EPYC: variants seen among roughly 807,000 people sequenced by gnomAD.
EPYC encodes epiphycan.
Under a neutral mutation model 30.1 loss-of-function variants are expected in EPYC, and 28 were observed. That is an observed-to-expected ratio of 0.93 (90% CI 0.69 to 1.28). The LOEUF is 1.28. Ranked by LOEUF, EPYC falls within the 50% of genes most tolerant of loss-of-function variation. The pLI is 0.00. For missense variants in EPYC, 382 were observed against 383.5 expected, an observed-to-expected ratio of 1.00 and a Z score of 0.03; for synonymous variants, 144 against 141.4, an observed-to-expected ratio of 1.02 and a Z score of -0.13.
intron 3 of EPYC, 100 bp downstream of exon 3, chr12:90,977,988 T>C (rs1368845555): frequency 1.3e-5 from 15 of 1,115,014 alleles, no homozygotes; most frequent in Non-Finnish European, 1.2e-5. Context: ...AAAACTTTTT[T>C]CTTGGGTCAT....
chr12:90,975,016 G>C (rs1298247352), intron 3 of EPYC, among the ~76,000 whole-genome samples: 1 of 152,042 alleles, frequency 6.6e-6, no homozygotes, highest in Non-Finnish European at 1.5e-5. Flanking sequence ...CAGGATATTT[G>C]ATCAACCTAG....
chr12:90,992,885 A>G (rs1045051185), intron 2 of EPYC, among the ~76,000 whole-genome samples: 5 of 152,196 alleles, frequency 3.3e-5, no homozygotes, highest in African/African-American at 1.2e-4. Flanking sequence ...TGATGCTGCC[A>G]GTTCAGGGAC....
chr12:90,982,591 T>A (rs1787056450), intron 2 of EPYC, among the ~76,000 whole-genome samples: 1 of 152,064 alleles, frequency 6.6e-6, no homozygotes, highest in South Asian at 2.1e-4. Context: ...TTCTTTTCTC[T>A]CCTCTTTAAC....
At position 90,970,137 on chromosome 12, in the gene EPYC, G is replaced by T; in HGVS notation, c.705C>A (p.Asp235Glu). ...GGTACAGATGATGGAGATCATACAT[G>T]TCCTGTAAACATTCCAAATGTGGGA... ...RKGIKQEAFK[D>E]MYDLHHLYLT... Residue 235 changes from aspartate (D) to glutamate (E), a missense_variant and splice_region_variant, in exon 6 of 7, where the codon GAC (aspartate) becomes GAA (glutamate). By Grantham distance (45) the Asp-to-Glu change is conservative (BLOSUM62 2). Transcript: ENST00000261172. 1 of 1,609,418 alleles carries T rather than the reference G, an allele frequency of 6.2e-7. No homozygotes were observed. The highest frequency in any genetic ancestry group is 8.5e-7 in the Non-Finnish European group (1 of 1,176,004).
At chr12:91,000,893 A>G (rs996686644) in intron 2 of EPYC, among the ~76,000 whole-genome samples, 1 of 152,146 alleles carries the variant, frequency 6.6e-6, no homozygotes, top group Non-Finnish European at 1.5e-5. Flanking sequence ...TTGATGCATC[A>G]CATTGGAGAT....
chr12:90,978,141 G>C lies in EPYC; in HGVS notation c.287C>G (p.Ser96Cys), dbSNP rs756875191. 4 of 1,605,314 alleles carry C rather than the reference G, an allele frequency of 2.5e-6. No homozygotes were observed. The highest frequency in any genetic ancestry group is 2.2e-5 in the South Asian group (2 of 89,704). ...EESTPRLIDGSSPQEPEFTGV... is the reference protein window; with the variant it reads ...EESTPRLIDGCSPQEPEFTGV... ...TGTGAATTCAGGCTCCTGGGGAGAA[G>C]AGCCATCAATCAGCCTGGGAGTAGA... The change falls in exon 3 of 7, where the codon TCT becomes TGT. Residue 96 changes from serine (S) to cysteine (C), a missense_variant. By Grantham distance (112) the Ser-to-Cys change is moderately radical. Coordinates refer to ENST00000261172, the MANE Select transcript of EPYC (RefSeq NM_004950.5).
At chr12:90,985,628 CTG>C (rs1384363687) in intron 2 of EPYC, among the ~76,000 whole-genome samples, 1 of 150,236 alleles carries the variant, frequency 6.7e-6, no homozygotes, top group Non-Finnish European at 1.5e-5. Context: ...GGCTTGTTAT[CTG>C]TGTGATTTGC....
chr12:90,978,104 C>G lies in EPYC; in HGVS notation c.324G>C (p.Gly108=), dbSNP rs1298548979. The stretch of plus-strand genomic sequence containing the variant: ...GTACCTGACCTTCATTTGTGTGTGG[C>G]CCCAGAACCCCTGTGAATTCAGGCT... The part of the protein sequence containing the change: ...PQEPEFTGVL[G]PHTNEDFPTC... Residue 108 remains glycine (G), a synonymous_variant, in exon 3 of 7, where the codon GGG becomes GGC. Transcript: ENST00000261172. 6.3e-7 allele frequency: 1 copy of G among 1,578,288 alleles called. No individual in the cohort carries two copies. Among genetic ancestry groups the G allele is most frequent in the Non-Finnish European group, 8.6e-7 (1 of 1,167,206 alleles).
chr12:90,996,930 G>A (rs1310360788), intron 2 of EPYC, among the ~76,000 whole-genome samples: 3 of 152,004 alleles, frequency 2.0e-5, no homozygotes, highest in African/African-American at 7.2e-5. Context: ...TAGTTGAGGT[G>A]ACAAGAAAAT....
intron 6 of EPYC, among the ~76,000 whole-genome samples, chr12:90,967,301 T>C (rs2120793054): frequency 7.7e-6 from 1 of 130,058 alleles, no homozygotes; most frequent in African/African-American, 2.5e-5. Context: ...TGTTTTATTT[T>C]TGTTTTTATT....
At chr12:90,991,081 G>T (rs1877574409) in intron 2 of EPYC, among the ~76,000 whole-genome samples, 1 of 152,058 alleles carries the variant, frequency 6.6e-6, no homozygotes, top group South Asian at 2.1e-4. Context: ...ATTTTATCCA[G>T]TCTCAATATT....
intron 3 of EPYC, among the ~76,000 whole-genome samples, chr12:90,976,350 A>G (rs887630011): frequency 1.3e-5 from 2 of 152,104 alleles, no homozygotes; most frequent in African/African-American, 4.8e-5. Context: ...CATAACTAAC[A>G]CTATGTTTAC....
chr12:90,967,135 A>G (rs146273599), intron 6 of EPYC, among the ~76,000 whole-genome samples: 6 of 151,866 alleles, frequency 4.0e-5, no homozygotes, highest in Non-Finnish European at 8.8e-5. Context: ...TATTATTTCT[A>G]TTCTGCTTGC....
intron 2 of EPYC, among the ~76,000 whole-genome samples, chr12:90,991,154 T>A (rs1405746279): frequency 6.6e-6 from 1 of 152,190 alleles, no homozygotes; most frequent in Non-Finnish European, 1.5e-5. Flanking sequence ...AATATATATT[T>A]GCATACATGC....
chr12:90,965,338 A>G (rs1876867900), intron 6 of EPYC, among the ~76,000 whole-genome samples: 1 of 152,170 alleles, frequency 6.6e-6, no homozygotes, highest in Admixed American at 6.6e-5. Context: ...AAAGTTTTGT[A>G]TGTACATACG....
chr12:90,996,095 C>T (rs1172038083), intron 2 of EPYC, among the ~76,000 whole-genome samples: 1 of 151,750 alleles, frequency 6.6e-6, no homozygotes, highest in Non-Finnish European at 1.5e-5. Context: ...ATAAGTATTG[C>T]ATATCTTTTG....
chr12:90,971,978 G>A lies in EPYC; in HGVS notation c.524C>T (p.Thr175Ile), dbSNP rs767275919. The A allele has an allele frequency of 1.9e-6, 3 of 1,596,512 alleles. No individual in the cohort carries two copies. Residue 175 changes from threonine to isoleucine, a missense_variant, in exon 5 of 7, where the codon ACA becomes ATA. Physicochemically the swap from Thr to Ile is moderately conservative, Grantham distance 89. Coordinates refer to ENST00000261172, the MANE Select transcript of EPYC (RefSeq NM_004950.5). ...SLSDLKRIDL[T>I]SNLISEIDED... ...ATCAATCTCAGATATTAAATTTGATGTCAGATCAATCCTTTTTAAATCACC... is the reference window on the plus strand; with the variant it reads ...ATCAATCTCAGATATTAAATTTGATATCAGATCAATCCTTTTTAAATCACC...
rs778415987 is a variant in EPYC at position 90,978,152 on chromosome 12, C to T, written c.276G>A (p.Leu92=). The change falls in exon 3 of 7, where the codon CTG becomes CTA. Residue 92 remains leucine (L), a synonymous_variant. Transcript: ENST00000261172. ...EEEEEESTPR[L]IDGSSPQEPE... Reference sequence around the variant, plus strand: ...GCTCCTGGGGAGAAGAGCCATCAATCAGCCTGGGAGTAGATTCCTCCTCCT... The same window carrying T: ...GCTCCTGGGGAGAAGAGCCATCAATTAGCCTGGGAGTAGATTCCTCCTCCT... The T allele has an allele frequency of 1.0e-5, 16 of 1,605,312 alleles. No homozygotes were observed. Among genetic ancestry groups the T allele is most frequent in the Non-Finnish European group, 8.5e-7 (1 of 1,176,404 alleles).
In EPYC at chr12:91,002,430, A is replaced by G. The variant is rs529130690; in HGVS notation, c.136T>C (p.Tyr46His). ...TLEDLDNLYNYENIPVDKVEI... is the reference protein window; with the variant it reads ...TLEDLDNLYNHENIPVDKVEI... ...ACTTTATCAACAGGTATGTTTTCATAGTTGTACAAATTATCCAGGTCTTCT... is the reference window on the plus strand; with the variant it reads ...ACTTTATCAACAGGTATGTTTTCATGGTTGTACAAATTATCCAGGTCTTCT... Residue 46 changes from tyrosine (Y) to histidine (H), a missense_variant, in exon 2 of 7, where the codon TAT becomes CAT. Physicochemically the swap from Tyr to His is moderately conservative, Grantham distance 83. Transcript: ENST00000261172. The G allele has an allele frequency of 8.7e-6, 14 of 1,612,960 alleles. No individual in the cohort carries two copies. The South Asian group carries it at 1.3e-4, about 15-fold the overall frequency.
Sources: allele counts gnomAD v4.1 joint callset (sites outside exome capture counted in the v4.1 genomes callset), GRCh38; gene constraint gnomAD v4.1.1; transcripts MANE v1.5; gene names NCBI Gene and HGNC (gene_info 2026-07-23, HGNC 2026-07-21).